The following ADGRL2 variants were observed in gnomAD, a reference collection of about 807,000 sequenced individuals.
The protein encoded by ADGRL2 is calcium-independent alpha-latrotoxin receptor 2.
A neutral mutation model predicts 157.4 loss-of-function variants in ADGRL2; 44 were observed. The ratio of observed to expected loss-of-function variants is 0.28; its 90% CI spans 0.22 to 0.36. The LOEUF (loss-of-function observed/expected upper bound fraction) is 0.36, where lower values mean the gene tolerates loss of function less well. ADGRL2 is among the 10% of genes least tolerant of loss of function. The pLI, the probability that ADGRL2 is intolerant of heterozygous loss-of-function variation, is 1.00. For synonymous variants in ADGRL2, 585 were observed against 624.7 expected, an observed-to-expected ratio of 0.94 and a Z score of 0.95; for missense variants, 1,510 against 1,768.9, an observed-to-expected ratio of 0.85 and a Z score of 2.63.
intron 2 of ADGRL2, among the ~76,000 whole-genome samples, chr1:81,572,790 C>A (rs971966271): frequency 1.3e-5 from 2 of 151,866 alleles, no homozygotes; most frequent in African/African-American, 4.8e-5. Context: ...CACTGTAGAA[C>A]TTTTCAGCAC....
intron 2 of ADGRL2, among the ~76,000 whole-genome samples, chr1:81,903,961 T>G (rs1236568049): frequency 1.3e-5 from 2 of 151,706 alleles, no homozygotes; most frequent in Non-Finnish European, 2.9e-5. Context: ...ATTTAAATAT[T>G]TTTTTGGTGG....
At chr1:81,707,184 A>G (rs2083764870) in intron 1 of ADGRL2, among the ~76,000 whole-genome samples, 1 of 152,094 alleles carries the variant, frequency 6.6e-6, no homozygotes, top group African/African-American at 2.4e-5. Flanking sequence ...AAACTTGATG[A>G]CTAAGGTTAA....
At chr1:81,865,463 T>A (rs560657097) in intron 2 of ADGRL2, among the ~76,000 whole-genome samples, 38 of 152,354 alleles carry the variant, frequency 2.5e-4, no homozygotes, top group South Asian at 1.0e-3. Flanking sequence ...TTAAGTTTTT[T>A]AAAAATATCC....
At position 81,616,654 on chromosome 1, in the gene ADGRL2, T is replaced by TTTTC. The variant is rs1553130779; in HGVS notation, c.-143+35677_-143+35678insCTTT. On this transcript the variant is annotated intron_variant, in intron 3 of 24. Transcript: ENST00000370721. ...CACTTCTAGTTTTTTGGGTTTTTTT[T>TTTTC]TTTTCTTTTCTTTTCTTTTCTTTTC... Among the ~76,000 whole-genome samples, 315 of 104,698 alleles carry TTTTC rather than the reference T, an allele frequency of 3.0e-3. 1 individual carries two copies. Among genetic ancestry groups the TTTTC allele is most frequent in the South Asian group, 8.3e-3 (25 of 3,018 alleles). The allele number at this position is 104,698 out of a possible 152,430, so 68.7% of individuals were successfully genotyped here.
chr1:81,870,996 T>TA (rs2093677254), intron 2 of ADGRL2, among the ~76,000 whole-genome samples: 1 of 151,912 alleles, frequency 6.6e-6, no homozygotes, highest in South Asian at 2.1e-4. Context: ...GCAGGTTTGT[T>TA]ACATATGTAT....
chr1:81,685,471 T>C (rs1244856715), intron 3 of ADGRL2, among the ~76,000 whole-genome samples: 1 of 152,194 alleles, frequency 6.6e-6, no homozygotes, highest in African/African-American at 2.4e-5. Flanking sequence ...TACTGAATTG[T>C]GTGCATTAAT....
upstream of ADGRL2, among the ~76,000 whole-genome samples, chr1:81,800,163 C>A (rs560774851): frequency 6.6e-6 from 1 of 152,148 alleles, no homozygotes; most frequent in Non-Finnish European, 1.5e-5. Context: ...CTTGTAGTCT[C>A]CTTTCCTTCC....
At chr1:81,404,782 T>C (rs1316647718) in intron 1 of ADGRL2, among the ~76,000 whole-genome samples, 1 of 152,220 alleles carries the variant, frequency 6.6e-6, no homozygotes, top group African/African-American at 2.4e-5. Context: ...TTACTCTTCC[T>C]CTTCCATCAA....
intron 3 of ADGRL2, among the ~76,000 whole-genome samples, chr1:81,908,123 G>T (rs2094625171): frequency 6.6e-6 from 1 of 152,172 alleles, no homozygotes; most frequent in Non-Finnish European, 1.5e-5. Flanking sequence ...TATTCAGGTT[G>T]TCGCCTAGGA....
intron 1 of ADGRL2, among the ~76,000 whole-genome samples, chr1:81,342,123 A>C (rs1662118337): frequency 6.6e-6 from 1 of 152,186 alleles, no homozygotes; most frequent in Admixed American, 6.5e-5. Context: ...GGCTAGAATT[A>C]TAATACAACA....
intron 2 of ADGRL2, among the ~76,000 whole-genome samples, chr1:81,793,053 A>G (rs1252919167): frequency 6.6e-6 from 1 of 152,124 alleles, no homozygotes; most frequent in African/African-American, 2.4e-5. Context: ...TAGTATTTAT[A>G]TAACAAGACC....
At chr1:81,522,180 G>T (rs1425898218) in intron 2 of ADGRL2, among the ~76,000 whole-genome samples, 1 of 152,036 alleles carries the variant, frequency 6.6e-6, no homozygotes, top group East Asian at 1.9e-4. Context: ...GGCCAGGCTG[G>T]TCTCGAGCTC....
chr1:81,593,129 C>A (rs895082844), intron 3 of ADGRL2, among the ~76,000 whole-genome samples: 2 of 152,160 alleles, frequency 1.3e-5, no homozygotes, highest in Non-Finnish European at 2.9e-5. Context: ...GGTGTTATCA[C>A]TTTTCTTAGC....
intron 3 of ADGRL2, among the ~76,000 whole-genome samples, chr1:81,593,902 G>T (rs540507136): frequency 6.6e-5 from 10 of 152,224 alleles, no homozygotes; most frequent in Non-Finnish European, 1.2e-4. Flanking sequence ...TAAATTTTGC[G>T]AAGTTTGTTG....
At chr1:81,372,661 G>A (rs763181370) in intron 1 of ADGRL2, among the ~76,000 whole-genome samples, 2 of 152,034 alleles carry the variant, frequency 1.3e-5, no homozygotes, top group South Asian at 2.1e-4. Context: ...GTTAAAGTAC[G>A]AATTTTCTGT....
rs1001933995 is a variant in ADGRL2, at chr1:81,427,389, A to ATGG, written c.-301-17634_-301-17632dup. ...GGATATGGAAACCAAGGTGGTAGATATGGTGGTGGTGGTGGAGGATATGAT... is the reference window on the plus strand; with the variant it reads ...GGATATGGAAACCAAGGTGGTAGATATGGTGGTGGTGGTGGTGGAGGATATGAT... On this transcript the variant is annotated intron_variant, in intron 1 of 24. Transcript: ENST00000370721. 2.6e-5 allele frequency: 19 copies of ATGG among 740,278 alleles called. No homozygotes were observed. In the African/African-American group the frequency reaches 2.9e-4, roughly 11 times the overall value. The allele number at this position is 740,278 out of a possible 1,614,324, so 45.9% of individuals were successfully genotyped here.
chr1:81,653,292 A>G (rs2082458981), intron 3 of ADGRL2, among the ~76,000 whole-genome samples: 1 of 146,762 alleles, frequency 6.8e-6, no homozygotes, highest in South Asian at 2.2e-4. Context: ...TAATTTCTGT[A>G]TCTTTCCCTT....
At chr1:81,376,073 C>G (rs1465299456) in intron 1 of ADGRL2, among the ~76,000 whole-genome samples, 4 of 152,218 alleles carry the variant, frequency 2.6e-5, no homozygotes, top group African/African-American at 9.6e-5. Flanking sequence ...CCACTCCTGG[C>G]ATGGGCGCTG....
At chr1:81,718,604 T>A (rs2084195523) in intron 1 of ADGRL2, among the ~76,000 whole-genome samples, 1 of 152,216 alleles carries the variant, frequency 6.6e-6, no homozygotes, top group Non-Finnish European at 1.5e-5. Context: ...GTGTTTTGTA[T>A]CCTTTTCATT....
Sources: gnomAD v4.1 joint callset for allele counts (sites outside exome capture counted in the v4.1 genomes callset) on GRCh38, gnomAD v4.1.1 for gene constraint, MANE v1.5 for transcripts, NCBI Gene and HGNC (gene_info 2026-07-23, HGNC 2026-07-21) for gene names.